GLRA1: variants seen among roughly 807,000 people sequenced by gnomAD.
GLRA1 encodes glycine receptor subunit alpha-1.
In GLRA1, 37 loss-of-function variants were observed where a neutral mutation model predicts 48.3. The ratio of observed to expected loss-of-function variants is 0.77; its 90% CI spans 0.59 to 1.01. The LOEUF (loss-of-function observed/expected upper bound fraction) is 1.01, where lower values mean the gene tolerates loss of function less well. GLRA1 is among the 50% of genes least tolerant of loss of function. The pLI is 0.00. For synonymous variants in GLRA1, 196 were observed against 210.7 expected (o/e 0.93, Z 0.60); for missense variants, 427 against 571.0 (o/e 0.75, Z 2.57).
At chr5:151,862,430 T>G (rs925253150) in intron 3 of GLRA1, among the ~76,000 whole-genome samples, 5 of 152,234 alleles carry the variant, frequency 3.3e-5, no homozygotes, top group African/African-American at 1.2e-4. Context: ...AAATGGGATC[T>G]AATTAAACTA....
chr5:151,923,764 A>T (rs1265824026), intron 1 of GLRA1, among the ~76,000 whole-genome samples: 6 of 152,238 alleles, frequency 3.9e-5, no homozygotes, highest in Non-Finnish European at 8.8e-5. Flanking sequence ...AAGATTGCTC[A>T]TGAGTTCAGG....
In GLRA1 at chr5:151,822,784, C is replaced by G; in HGVS notation, c.1239G>C (p.Lys413Asn). The change falls in exon 9 of 9, where the codon AAG becomes AAC. Residue 413 changes from lysine (K) to asparagine (N), a missense_variant. Lys to Asn is a moderately conservative substitution (Grantham distance 94). This residue lies in a region of GLRA1 where 121 missense variants were observed against 96.5 expected (regional missense o/e 1.25). Coordinates refer to ENST00000274576, the MANE Select transcript of GLRA1 (RefSeq NM_000171.4). Reference sequence around the variant, plus strand: ...CAATGCGGGATATTTTGTCGATCTTCTTGGCCCTCTGGATGAAGAGTTTTC... The same window carrying G: ...CAATGCGGGATATTTTGTCGATCTTGTTGGCCCTCTGGATGAAGAGTTTTC... ...EMRKLFIQRAKKIDKISRIGF... is the reference protein window; with the variant it reads ...EMRKLFIQRANKIDKISRIGF... 2 of 1,614,066 alleles carry G rather than the reference C, an allele frequency of 1.2e-6. No homozygotes were observed. Among genetic ancestry groups the G allele is most frequent in the Non-Finnish European group, 8.5e-7 (1 of 1,179,960 alleles).
chr5:151,863,474 T>G (rs959851377), intron 3 of GLRA1, among the ~76,000 whole-genome samples: 1 of 152,134 alleles, frequency 6.6e-6, no homozygotes, highest in South Asian at 2.1e-4. Flanking sequence ...TACAGAGACA[T>G]TGTAAACCTG....
chr5:151,861,739 C>T (rs1248697256), intron 3 of GLRA1, among the ~76,000 whole-genome samples: 3 of 152,176 alleles, frequency 2.0e-5, no homozygotes, highest in African/African-American at 7.2e-5. Flanking sequence ...TGAAGGACCT[C>T]TTCAAGGAGA....
chr5:151,828,265 C>G (rs914752439), intron 8 of GLRA1, among the ~76,000 whole-genome samples: 1 of 152,158 alleles, frequency 6.6e-6, no homozygotes, highest in Non-Finnish European at 1.5e-5. Flanking sequence ...GTGGTTGGAT[C>G]TTCTGGGGAA....
intron 1 of GLRA1, among the ~76,000 whole-genome samples, chr5:151,914,821 C>T (rs964418070): frequency 6.6e-6 from 1 of 152,210 alleles, no homozygotes; most frequent in Non-Finnish European, 1.5e-5. Context: ...TATCTACTTA[C>T]AGATGCATGT....
intron 7 of GLRA1, chr5:151,849,694 A>C (rs115378168): frequency 0.023 from 5,906 of 252,024 alleles, 101 homozygotes; most frequent in Non-Finnish European, 0.033. Context: ...CTAGGATTAC[A>C]GGTGTGTGTG....
intron 1 of GLRA1, among the ~76,000 whole-genome samples, chr5:151,913,733 C>T (rs1754673475): frequency 6.6e-6 from 1 of 152,204 alleles, no homozygotes; most frequent in Admixed American, 6.5e-5. Flanking sequence ...AGCCACACTT[C>T]CTGGATTCCA....
At chr5:151,915,452 A>G (rs998112947) in intron 1 of GLRA1, among the ~76,000 whole-genome samples, 6 of 152,178 alleles carry the variant, frequency 3.9e-5, no homozygotes, top group Admixed American at 3.9e-4. Context: ...TTATTGCAGC[A>G]CTGATTGCAG....
chr5:151,918,049 A>T (rs1053305928), intron 1 of GLRA1, among the ~76,000 whole-genome samples: 1 of 152,234 alleles, frequency 6.6e-6, no homozygotes, highest in Non-Finnish European at 1.5e-5. Context: ...ATCTAATTGC[A>T]TTGAATTAGC....
chr5:151,834,290 A>AG (rs1763508463), intron 7 of GLRA1, among the ~76,000 whole-genome samples: 1 of 152,216 alleles, frequency 6.6e-6, no homozygotes, highest in Non-Finnish European at 1.5e-5. Context: ...AGACCACAGC[A>AG]CAATCAAATT....
intron 3 of GLRA1, among the ~76,000 whole-genome samples, chr5:151,878,518 G>C (rs1261349698): frequency 4.6e-5 from 7 of 152,150 alleles, no homozygotes; most frequent in Admixed American, 4.6e-4. Context: ...AAATGTCTCC[G>C]GAGCATGTCA....
chr5:151,860,076 G>A, intron 3 of GLRA1, 68 bp from the exon 4 acceptor site: 1 of 1,233,514 alleles, frequency 8.1e-7, no homozygotes. Context: ...GGAGGACCTG[G>A]GTGCTTTTGG....
rs1006429 is a variant in GLRA1 at position 151,910,212 on chromosome 5, T to C, written c.56+14282A>G. 3.7e-4 allele frequency among the ~76,000 whole-genome samples: 56 copies of C among 152,364 alleles called. 1 individual carries two copies. The highest frequency in any genetic ancestry group is 3.3e-3 in the East Asian group (17 of 5,188). ...GGTGACTCCAAATGTCTTTCTTTCC[T>C]ACCTGGTACAGGTTGCCTTTTATTA... On this transcript the variant is annotated intron_variant, in intron 1 of 8. Coordinates refer to ENST00000274576, the MANE Select transcript of GLRA1 (RefSeq NM_000171.4).
chr5:151,908,622 C>G (rs1041372429), intron 1 of GLRA1, among the ~76,000 whole-genome samples: 3 of 152,066 alleles, frequency 2.0e-5, no homozygotes, highest in African/African-American at 7.2e-5. Flanking sequence ...CTCTTTATTA[C>G]TCTGCTTATC....
chr5:151,904,381 G>A (rs962920793), intron 1 of GLRA1, among the ~76,000 whole-genome samples: 3 of 152,164 alleles, frequency 2.0e-5, no homozygotes, highest in Non-Finnish European at 4.4e-5. Context: ...TTGGAAATGC[G>A]ACAAGCTGTG....
chr5:151,896,116 T>A (rs1581652997), intron 1 of GLRA1, among the ~76,000 whole-genome samples: 1 of 152,196 alleles, frequency 6.6e-6, no homozygotes, highest in South Asian at 2.1e-4. Flanking sequence ...TACCATTTGG[T>A]ATTAGCATAA....
At chr5:151,918,659 G>C (rs1201590336) in intron 1 of GLRA1, among the ~76,000 whole-genome samples, 1 of 152,120 alleles carries the variant, frequency 6.6e-6, no homozygotes, top group Non-Finnish European at 1.5e-5. Flanking sequence ...GAATTGCGAG[G>C]GATTGTCTCT....
At chr5:151,905,053 T>C (rs1303503014) in intron 1 of GLRA1, among the ~76,000 whole-genome samples, 1 of 152,172 alleles carries the variant, frequency 6.6e-6, no homozygotes, top group Non-Finnish European at 1.5e-5. Context: ...GATCTGATGG[T>C]AACAGAGCAG....
Sources: allele counts gnomAD v4.1 joint callset (sites outside exome capture counted in the v4.1 genomes callset), GRCh38; gene constraint gnomAD v4.1.1; regional missense constraint gnomAD v4.1.1; transcripts MANE v1.5; gene names NCBI Gene and HGNC (gene_info 2026-07-23, HGNC 2026-07-21).